Variants in SYNCRIP observed in about 807,000 individuals in gnomAD.
SYNCRIP encodes the protein synaptotagmin binding cytoplasmic RNA interacting protein, also known as heterogeneous nuclear ribonucleoprotein Q.
Under a neutral mutation model 68.9 loss-of-function variants are expected in SYNCRIP, and 9 were observed. The observed-to-expected ratio is 0.13, with a 90% CI of 0.08 to 0.23. The LOEUF is 0.23. Among genes scored for constraint, SYNCRIP ranks in the 10% least tolerant of loss-of-function variants. The pLI, the probability that SYNCRIP is intolerant of heterozygous loss-of-function variation, is 1.00. For missense variants in SYNCRIP, 414 were observed against 770.6 expected (o/e 0.54, Z 5.48); for synonymous variants, 258 against 254.0 (o/e 1.02, Z -0.15).
chr6:85,636,317 G>A (rs926908933), intron 6 of SYNCRIP, among the ~76,000 whole-genome samples: 2 of 151,706 alleles, frequency 1.3e-5, no homozygotes, highest in Non-Finnish European at 2.9e-5. Context: ...GTGGTGGCAG[G>A]CGCCTATAAT....
intron 7 of SYNCRIP, among the ~76,000 whole-genome samples, chr6:85,623,724 C>G (rs1430426346): frequency 6.6e-6 from 1 of 152,018 alleles, no homozygotes; most frequent in African/African-American, 2.4e-5. Flanking sequence ...ATAGGAAGAA[C>G]AATGATTTTG....
Position 85,640,294 on chromosome 6 carries a change from G to A in SYNCRIP, c.302C>T (p.Thr101Ile). The A allele has an allele frequency of 1.9e-6, 3 of 1,613,732 alleles. No individual in the cohort carries two copies. Among genetic ancestry groups the A allele is most frequent in the Non-Finnish European group, 1.7e-6 (2 of 1,179,864 alleles). The change falls in exon 4 of 11, where the codon ACT (threonine) becomes ATT (isoleucine). Residue 101 changes from threonine (T) to isoleucine (I), a missense_variant. Thr to Ile is a moderately conservative substitution (Grantham distance 89). Transcript: ENST00000369622. ...CCCTTGTTTTTCTCTCTGCCTGTAA[G>A]TCTTCATGACTCCACATAAAAAGGC... ...KSAFLCGVMK[T>I]YRQREKQGTK...
chr6:85,640,520 A>C lies in SYNCRIP; in HGVS notation c.193T>G (p.Leu65Val). The change falls in exon 3 of 11, where the codon TTA (leucine) becomes GTA (valine). Residue 65 changes from leucine to valine, a missense_variant. Coordinates refer to ENST00000369622, the MANE Select transcript of SYNCRIP (RefSeq NM_006372.5). Reference sequence around the variant, plus strand: ...GCACCGTCTTCATTGAATTCTTTTAAAGCTTCAATAGCTCTTTCATCTAAA... The same window carrying C: ...GCACCGTCTTCATTGAATTCTTTTACAGCTTCAATAGCTCTTTCATCTAAA... ...SDLDERAIEA[L>V]KEFNEDGALA... 1 of 1,607,482 alleles carries C rather than the reference A, an allele frequency of 6.2e-7. No homozygotes were observed. Among genetic ancestry groups the C allele is most frequent in the Non-Finnish European group, 8.5e-7 (1 of 1,178,096 alleles).
chr6:85,625,075 C>T (rs1019368762), intron 6 of SYNCRIP, among the ~76,000 whole-genome samples: 4 of 152,094 alleles, frequency 2.6e-5, no homozygotes, highest in Non-Finnish European at 1.5e-5. Context: ...CTAGGTACAC[C>T]GGGTATAACA....
At chr6:85,624,167 T>A in intron 6 of SYNCRIP, 55 bp from the exon 7 acceptor site, 1 of 1,529,454 alleles carries the variant, frequency 6.5e-7, no homozygotes, top group Non-Finnish European at 8.9e-7. Flanking sequence ...ACTAGAACAG[T>A]TAATTATAAA....
At chr6:85,622,768 C>G in intron 7 of SYNCRIP, 81 bp from the exon 8 acceptor site, 1 of 1,082,368 alleles carries the variant, frequency 9.2e-7, no homozygotes, top group Non-Finnish European at 1.4e-6. Context: ...ATCTAAGATA[C>G]TACTTAAATA....
intron 6 of SYNCRIP, among the ~76,000 whole-genome samples, chr6:85,628,958 T>A (rs1224934882): frequency 6.6e-6 from 1 of 152,206 alleles, no homozygotes; most frequent in Non-Finnish European, 1.5e-5. Context: ...CATTTCTCTT[T>A]CCAAAATCTC....
chr6:85,614,762 C>T lies in SYNCRIP; in HGVS notation c.1866G>A (p.Trp622Ter). 6.3e-7 allele frequency: 1 copy of T among 1,590,130 alleles called. No individual in the cohort carries two copies. The highest frequency in any genetic ancestry group is 8.6e-7 in the Non-Finnish European group (1 of 1,169,334). ...EFYQDTFGQQWK is the reference protein window; with the variant it reads ...EFYQDTFGQQ Reference sequence around the variant, plus strand: ...TACAGAGGCCCTACTGTTTCTACTTCCACTGTTGCCCAAAAGTATCCTGAT... The same window carrying T: ...TACAGAGGCCCTACTGTTTCTACTTTCACTGTTGCCCAAAAGTATCCTGAT... Residue 622 changes from tryptophan to a stop codon, truncating the protein, a stop_gained, in exon 11 of 11, where the codon TGG becomes TGA. Transcript: ENST00000369622. LOFTEE classifies it high-confidence loss of function.
upstream of SYNCRIP, chr6:85,643,660 C>T (rs1809475724): frequency 1.3e-5 from 2 of 151,564 alleles, no homozygotes; most frequent in South Asian, 4.1e-4. Flanking sequence ...CACCGAGCTC[C>T]CGCCCGCCCC....
Position 85,640,346 on chromosome 6 carries a change from A to G in SYNCRIP, c.268-18T>C, listed in dbSNP as rs967099139. 3.1e-6 allele frequency: 5 copies of G among 1,607,094 alleles called. No individual in the cohort carries two copies. The highest frequency in any genetic ancestry group is 3.4e-5 in the Admixed American group (2 of 59,608). On this transcript the variant is annotated intron_variant, in intron 3 of 10. Transcript: ENST00000369622. ...CTTTTGTTCTGCAAAAAAATGTTCC[A>G]TTAATATTTAACAATAACCATATCT...
At chr6:85,636,228 G>A (rs1055857202) in intron 6 of SYNCRIP, among the ~76,000 whole-genome samples, 4 of 151,916 alleles carry the variant, frequency 2.6e-5, no homozygotes, top group African/African-American at 7.3e-5. Context: ...GTGGATCACC[G>A]GAGGTCAGGA....
At chr6:85,616,240 C>A (rs1167255101) in intron 10 of SYNCRIP, among the ~76,000 whole-genome samples, 3 of 152,180 alleles carry the variant, frequency 2.0e-5, no homozygotes, top group Non-Finnish European at 2.9e-5. Flanking sequence ...TTATTTTGAG[C>A]CCAATAATCC....
downstream of SYNCRIP, chr6:85,611,769 TAC>T (rs1805265896): frequency 6.6e-6 from 1 of 152,554 alleles, no homozygotes; most frequent in African/African-American, 2.4e-5. Context: ...TTCACATGTT[TAC>T]AGTGATCAGC....
rs1415987591 is a variant in SYNCRIP at position 85,618,805 on chromosome 6, A to T, written c.1280+13T>A. On this transcript the variant is annotated intron_variant, in intron 10 of 10. Transcript: ENST00000369622. ...AAATTTATACAATTTTTAAGTATAC[A>T]AATTTCACTCACATTTGATTTTTTG... 1.9e-6 allele frequency: 3 copies of T among 1,579,812 alleles called. No homozygotes were observed. In the Admixed American group the frequency reaches 5.3e-5, roughly 28 times the overall value.
intron 6 of SYNCRIP, among the ~76,000 whole-genome samples, chr6:85,635,507 C>A (rs1024020403): frequency 6.6e-6 from 1 of 152,042 alleles, no homozygotes; most frequent in African/African-American, 2.4e-5. Flanking sequence ...CAGTGGCACA[C>A]GTCTGCAATC....
At chr6:85,640,645 A>G in intron 2 of SYNCRIP, 81 bp from the exon 3 acceptor site, 1 of 769,846 alleles carries the variant, frequency 1.3e-6, no homozygotes, top group South Asian at 2.2e-5. Flanking sequence ...ATACAGGTAC[A>G]TGTGTGCCTT....
chr6:85,628,213 A>C (rs1436279199), intron 6 of SYNCRIP, among the ~76,000 whole-genome samples: 1 of 151,890 alleles, frequency 6.6e-6, no homozygotes, highest in Non-Finnish European at 1.5e-5. Context: ...GTGCCACCAC[A>C]CCCGGCTAAT....
chr6:85,619,188 A>T (rs1156902458), intron 9 of SYNCRIP, 80 bp downstream of exon 9: 1 of 1,567,380 alleles, frequency 6.4e-7, no homozygotes, highest in African/African-American at 1.4e-5. Context: ...GTCTCCTCCA[A>T]TTTGTAAAAC....
At chr6:85,641,270 T>G (rs147863473) in intron 2 of SYNCRIP, 22 bp downstream of exon 2, 2 of 1,586,532 alleles carry the variant, frequency 1.3e-6, no homozygotes, top group African/African-American at 2.7e-5. Context: ...CATAATGTAA[T>G]TTTGCAAGTG....
Sources: gnomAD v4.1 joint callset for allele counts (sites outside exome capture counted in the v4.1 genomes callset) on GRCh38, gnomAD v4.1.1 for gene constraint, MANE v1.5 for transcripts, NCBI Gene and HGNC (gene_info 2026-07-23, HGNC 2026-07-21) for gene names.